Variants in VAV2 observed in about 807,000 individuals in gnomAD.
VAV2 encodes the protein guanine nucleotide exchange factor VAV2.
VAV2 carries 67 observed loss-of-function variants against 132.5 expected under a neutral mutation model. The ratio of observed to expected loss-of-function variants is 0.51; its 90% confidence interval spans 0.42 to 0.62. The LOEUF (loss-of-function observed/expected upper bound fraction) is 0.62. VAV2 is among the 20% of genes least tolerant of loss of function. The pLI, the probability that VAV2 is intolerant of heterozygous loss-of-function variation, is 0.00. For synonymous variants in VAV2, 492 were observed against 443.5 expected, an observed-to-expected ratio of 1.11 and a Z score of -1.37; for missense variants, 938 against 1,153.6, an observed-to-expected ratio of 0.81 and a Z score of 2.71.
chr9:133,964,044 TATATACATATATATAC>T (rs1347277642), intron 1 of VAV2, among the ~76,000 whole-genome samples: 9 of 94,000 alleles, frequency 9.6e-5, no homozygotes, highest in Admixed American at 4.6e-4. Flanking sequence ...TATATATATA[TATATACATATATATAC>T]ATATATATAA....
Position 133,764,119 on chromosome 9 carries a change from A to C in VAV2, c.2590-10T>G, listed in dbSNP as rs1222030414. On this transcript the variant is annotated splice_polypyrimidine_tract_variant and intron_variant, in intron 29 of 29. Transcript: ENST00000371850. ...AAGGAAACCAGCCAATCTGAAAAAG[A>C]TGGTAAGATCGTGTCTGTGTGTGTG... 1 of 1,608,594 alleles carries C rather than the reference A, an allele frequency of 6.2e-7. No individual in the cohort carries two copies. Among genetic ancestry groups the C allele is most frequent in the Non-Finnish European group, 8.5e-7 (1 of 1,177,746 alleles).
intron 3 of VAV2, among the ~76,000 whole-genome samples, chr9:133,835,072 AAC>A (rs1156615060): frequency 1.3e-5 from 2 of 152,062 alleles, no homozygotes; most frequent in African/African-American, 4.8e-5. Context: ...ATATATATAT[AAC>A]ACATAAACTT....
At chr9:133,848,411 G>A (rs992237623) in intron 3 of VAV2, among the ~76,000 whole-genome samples, 2 of 152,118 alleles carry the variant, frequency 1.3e-5, no homozygotes, top group Admixed American at 1.3e-4. Flanking sequence ...AGTAGACGCA[G>A]CTCCTTTGTG....
At chr9:133,792,112 TGTGG>T (rs1834498341) in intron 12 of VAV2, among the ~76,000 whole-genome samples, 1 of 126,988 alleles carries the variant, frequency 7.9e-6, no homozygotes, top group Non-Finnish European at 1.6e-5. Flanking sequence ...GGCTGTACTG[TGTGG>T]GGTGTGTGTG....
At chr9:133,842,607 C>T (rs965455334) in intron 3 of VAV2, among the ~76,000 whole-genome samples, 1 of 152,102 alleles carries the variant, frequency 6.6e-6, no homozygotes, top group Non-Finnish European at 1.5e-5. Context: ...ATGGTGCTGA[C>T]ACTATCGGGG....
chr9:133,991,278 C>T lies in VAV2; in HGVS notation c.204+797G>A, dbSNP rs1843007014. ...AGCCTCGATTCTCTCAAGTCTTAGCCAAGTTCCCTCTTAAGAGGCCAAGAA... is the reference window on the plus strand; with the variant it reads ...AGCCTCGATTCTCTCAAGTCTTAGCTAAGTTCCCTCTTAAGAGGCCAAGAA... On this transcript the variant is annotated intron_variant, in intron 1 of 29. Coordinates refer to ENST00000371850, the MANE Select transcript of VAV2 (RefSeq NM_001134398.2). The surrounding 1 kb of genome is among the most constrained non-coding windows in gnomAD (Gnocchi z 4.8). 6.6e-6 allele frequency among the ~76,000 whole-genome samples: 1 copy of T among 152,180 alleles called. No homozygotes were observed. Among genetic ancestry groups the T allele is most frequent in the African/African-American group, 2.4e-5 (1 of 41,440 alleles).
chr9:133,822,825 G>A (rs1006965866), intron 4 of VAV2, among the ~76,000 whole-genome samples: 3 of 152,144 alleles, frequency 2.0e-5, no homozygotes, highest in African/African-American at 4.8e-5. Flanking sequence ...CCCTGGGCCA[G>A]GTCACAAGGA....
chr9:133,809,622 A>T (rs1835285164), intron 6 of VAV2, among the ~76,000 whole-genome samples: 1 of 151,776 alleles, frequency 6.6e-6, no homozygotes, highest in African/African-American at 2.4e-5. Context: ...TGCAGGCTGG[A>T]CTCTTCCCCT....
At chr9:133,929,569 T>C (rs1840603871) in intron 2 of VAV2, among the ~76,000 whole-genome samples, 2 of 151,830 alleles carry the variant, frequency 1.3e-5, no homozygotes, top group Admixed American at 6.6e-5. Context: ...AGGAGAGGAA[T>C]AGAAGTGGTG....
At chr9:133,888,558 G>A (rs1202601409) in intron 2 of VAV2, among the ~76,000 whole-genome samples, 1 of 152,184 alleles carries the variant, frequency 6.6e-6, no homozygotes, top group East Asian at 1.9e-4. Context: ...CTGTGTCCAG[G>A]AGCCACGTCA....
chr9:133,785,627 G>C, intron 17 of VAV2, 149 bp downstream of exon 17: 1 of 640,728 alleles, frequency 1.6e-6, no homozygotes, highest in Non-Finnish European at 2.7e-6. Flanking sequence ...CGTCCCAGGG[G>C]TGATGGAGGT....
intron 5 of VAV2, 141 bp from the exon 6 acceptor site, chr9:133,810,346 C>A (rs1835313305): frequency 4.4e-6 from 6 of 1,377,318 alleles, no homozygotes; most frequent in Non-Finnish European, 6.0e-6. Context: ...CCTCGTGCTG[C>A]CCAGCTGGGC....
intron 1 of VAV2, among the ~76,000 whole-genome samples, chr9:133,952,936 C>A (rs2319061): frequency 5.0e-5 from 7 of 139,694 alleles, no homozygotes; most frequent in African/African-American, 8.2e-5. Context: ...GCATGGCCCC[C>A]GGGACACCTA....
In VAV2 at chr9:133,770,425, T is replaced by C; in HGVS notation, c.2300A>G (p.Tyr767Cys). Reference protein sequence around the residue: ...KQLDTTLKYPYKSRERSASRA... With the variant: ...KQLDTTLKYPCKSRERSASRA... ...GGAGGCCGAACGTTCCCGGGACTTG[T>C]AGGGGTACTTGAGTGTGGTGTCCAG... The change falls in exon 27 of 30, where the codon TAC becomes TGC. Residue 767 changes from tyrosine to cysteine, a missense_variant. Physicochemically the swap from Tyr to Cys is radical, Grantham distance 194. Coordinates refer to ENST00000371850, the MANE Select transcript of VAV2 (RefSeq NM_001134398.2). The C allele has an allele frequency of 6.2e-7, 1 of 1,614,154 alleles. No individual in the cohort carries two copies. The highest frequency in any genetic ancestry group is 1.1e-5 in the South Asian group (1 of 91,092).
chr9:133,847,313 C>T (rs1836971554), intron 3 of VAV2, among the ~76,000 whole-genome samples: 1 of 152,220 alleles, frequency 6.6e-6, no homozygotes. Flanking sequence ...AAACCCAGGA[C>T]CCCGCAGCCA....
intron 1 of VAV2, among the ~76,000 whole-genome samples, chr9:133,979,223 CG>C (rs1278554152): frequency 6.6e-6 from 1 of 152,200 alleles, no homozygotes; most frequent in Non-Finnish European, 1.5e-5. Flanking sequence ...GGCTGACAGC[CG>C]GGTCCTCGGC....
In VAV2 at chr9:133,834,553, T is replaced by A. The variant is rs781331421; in HGVS notation, c.381-213A>T. On this transcript the variant is annotated intron_variant, in intron 3 of 29. Coordinates refer to ENST00000371850, the MANE Select transcript of VAV2 (RefSeq NM_001134398.2). This position sits in a 1 kb window ranked among gnomAD's most constrained non-coding sequence, Gnocchi z 5.9. Reference sequence around the variant, plus strand: ...AGGGCAAGAGGAGACCCATGCCTACTTGCCAGGGGGCAAGGAATGTGTCAC... The same window carrying A: ...AGGGCAAGAGGAGACCCATGCCTACATGCCAGGGGGCAAGGAATGTGTCAC... Among the ~76,000 whole-genome samples the A allele has an allele frequency of 6.6e-6, 1 of 152,226 alleles. No homozygotes were observed. Among genetic ancestry groups the A allele is most frequent in the Non-Finnish European group, 1.5e-5 (1 of 68,040 alleles).
intron 1 of VAV2, among the ~76,000 whole-genome samples, chr9:133,940,381 G>A (rs1426539303): frequency 6.6e-6 from 1 of 152,188 alleles, no homozygotes; most frequent in Non-Finnish European, 1.5e-5. Context: ...AGTTCAGAGA[G>A]CCTGTCCCTG....
chr9:133,887,991 C>T (rs781208700), intron 2 of VAV2, among the ~76,000 whole-genome samples: 16 of 152,246 alleles, frequency 1.1e-4, no homozygotes, highest in Admixed American at 3.9e-4. Flanking sequence ...CCCCCAGTTC[C>T]CAAGCCCGAG....
Sources: allele counts gnomAD v4.1 joint callset (sites outside exome capture counted in the v4.1 genomes callset), GRCh38; gene constraint gnomAD v4.1.1; non-coding constraint Gnocchi (gnomAD v3.1); transcripts MANE v1.5; gene names NCBI Gene and HGNC (gene_info 2026-07-23, HGNC 2026-07-21).